SOS1: variants seen among roughly 807,000 people sequenced by gnomAD.
The protein encoded by SOS1 is son of sevenless homolog 1.
SOS1 carries 25 observed loss-of-function variants against 157.6 expected under a neutral mutation model. The ratio of observed to expected loss-of-function variants is 0.16; its 90% CI spans 0.12 to 0.22. SOS1 has a LOEUF of 0.22. SOS1 is among the 10% of genes least tolerant of loss of function. The pLI is 1.00. For missense variants in SOS1, 1,237 were observed against 1,599.1 expected, an observed-to-expected ratio of 0.77 and a Z score of 3.86; for synonymous variants, 528 against 534.0, an observed-to-expected ratio of 0.99 and a Z score of 0.16.
rs963420285 is a variant in SOS1, at chr2:39,005,563, A to G, written c.2791+849T>C. Reference sequence around the variant, plus strand: ...ATATGCACATCATACAATTACAATTATATACAATGTGCACAGCAAAAAGAT... The same window carrying G: ...ATATGCACATCATACAATTACAATTGTATACAATGTGCACAGCAAAAAGAT... On this transcript the variant is annotated intron_variant, in intron 17 of 22. Coordinates refer to ENST00000402219, the MANE Select transcript of SOS1 (RefSeq NM_005633.4). Among the ~76,000 whole-genome samples the G allele has an allele frequency of 5.3e-5, 8 of 152,294 alleles. No homozygotes were observed. In the Middle Eastern group the frequency reaches 0.01, roughly 194 times the overall value.
intron 1 of SOS1, among the ~76,000 whole-genome samples, chr2:39,071,116 C>T (rs1671778208): frequency 6.6e-6 from 1 of 152,164 alleles, no homozygotes; most frequent in Non-Finnish European, 1.5e-5. Flanking sequence ...GATCCACCCA[C>T]CTCCACCTCC....
chr2:38,993,680 T>G lies in SOS1; in HGVS notation c.3346+1443A>C, dbSNP rs1007356010. 7 of 152,230 alleles carry G rather than the reference T, an allele frequency of 4.6e-5. No individual in the cohort carries two copies. In the East Asian group the frequency reaches 7.7e-4, roughly 17 times the overall value. 9.4% of individuals were successfully genotyped at this position (152,230 alleles called of 1,614,324 possible). A position where few individuals can be genotyped will look rare whatever the true frequency, so the allele number is the denominator to read the frequency against. On this transcript the variant is annotated intron_variant, in intron 20 of 22. Transcript: ENST00000402219. ...AAGGCACAGAAAAAGTATTTTGTCT[T>G]AAATCAGAAAGCTAATTAGCAGACT...
intron 10 of SOS1, among the ~76,000 whole-genome samples, chr2:39,017,182 C>A (rs1309212040): frequency 6.6e-6 from 1 of 152,012 alleles, no homozygotes; most frequent in African/African-American, 2.4e-5. Flanking sequence ...GGACCCAGAA[C>A]CTAGATCATG....
intron 10 of SOS1, among the ~76,000 whole-genome samples, chr2:39,016,143 T>C (rs1240815396): frequency 6.6e-6 from 1 of 152,084 alleles, no homozygotes; most frequent in Non-Finnish European, 1.5e-5. Context: ...CATGGATTTA[T>C]CACAAAACAG....
chr2:39,006,580 G>C (rs753057061), intron 16 of SOS1, 51 bp from the exon 17 acceptor site: 2 of 929,798 alleles, frequency 2.2e-6, no homozygotes, highest in South Asian at 1.3e-5. Flanking sequence ...CAAAGGTCTT[G>C]TCAAAAAAAA....
upstream of SOS1, chr2:39,124,336 G>A (rs973252114): frequency 3.3e-5 from 5 of 152,454 alleles, no homozygotes; most frequent in East Asian, 5.8e-4. Context: ...CGCAGGCGCA[G>A]AGGCTTCTTT....
intron 17 of SOS1, among the ~76,000 whole-genome samples, chr2:38,999,233 A>C (rs1222248052): frequency 6.6e-6 from 1 of 152,234 alleles, no homozygotes; most frequent in Non-Finnish European, 1.5e-5. Context: ...CTTGCTTGAA[A>C]GGCATACTTA....
chr2:39,095,498 A>T (rs1051085701), intron 1 of SOS1, among the ~76,000 whole-genome samples: 225 of 152,332 alleles, frequency 1.5e-3, no homozygotes, highest in African/African-American at 5.3e-3. Context: ...GCCAGGCAAA[A>T]TGTGGCTCAT....
intron 1 of SOS1, among the ~76,000 whole-genome samples, chr2:39,116,082 T>C (rs1673640105): frequency 6.6e-6 from 1 of 152,236 alleles, no homozygotes; most frequent in Non-Finnish European, 1.5e-5. Flanking sequence ...TTGTAGAGGC[T>C]TCATCTATAT....
intron 17 of SOS1, among the ~76,000 whole-genome samples, chr2:39,001,306 G>T (rs142346514): frequency 1.4e-4 from 21 of 152,224 alleles, no homozygotes; most frequent in African/African-American, 5.1e-4. Flanking sequence ...TAAGCAATTC[G>T]CTCACCTCAA....
chr2:39,053,301 C>G (rs1364609538), intron 5 of SOS1, among the ~76,000 whole-genome samples: 1 of 152,152 alleles, frequency 6.6e-6, no homozygotes, highest in Non-Finnish European at 1.5e-5. Context: ...ACATTTTAGC[C>G]TTTCAAATGA....
chr2:39,086,495 T>C (rs944878444), intron 1 of SOS1, among the ~76,000 whole-genome samples: 7 of 152,182 alleles, frequency 4.6e-5, no homozygotes, highest in Non-Finnish European at 7.3e-5. Context: ...GTTTAACATA[T>C]TAGATATTGG....
chr2:38,991,197 C>G (rs1172921532), intron 20 of SOS1, among the ~76,000 whole-genome samples: 2 of 147,570 alleles, frequency 1.4e-5, no homozygotes, highest in Non-Finnish European at 3.0e-5. Flanking sequence ...AGGAGTCATT[C>G]TTGATAGAAA....
chr2:39,042,797 A>G (rs949897124), intron 6 of SOS1, among the ~76,000 whole-genome samples: 4 of 144,736 alleles, frequency 2.8e-5, no homozygotes, highest in Admixed American at 7.0e-5. Context: ...TCTTATTTCT[A>G]TAGTGAATGC....
chr2:39,109,924 T>C (rs992878347), intron 1 of SOS1, among the ~76,000 whole-genome samples: 1 of 152,140 alleles, frequency 6.6e-6, no homozygotes, highest in Non-Finnish European at 1.5e-5. Flanking sequence ...ATTGGAGTAT[T>C]ACACTACCTA....
At chr2:39,056,054 G>A (rs987520625) in intron 4 of SOS1, among the ~76,000 whole-genome samples, 8 of 152,104 alleles carry the variant, frequency 5.3e-5, no homozygotes, top group Non-Finnish European at 7.4e-5. Flanking sequence ...TAAAACTATC[G>A]TTTTGTGGTT....
intron 6 of SOS1, among the ~76,000 whole-genome samples, chr2:39,044,472 T>G (rs1423700515): frequency 1.3e-5 from 2 of 152,206 alleles, no homozygotes; most frequent in African/African-American, 2.4e-5. Flanking sequence ...ACTCATTCAT[T>G]TTTAATTATT....
At chr2:39,093,306 T>C (rs1459590126) in intron 1 of SOS1, among the ~76,000 whole-genome samples, 1 of 152,212 alleles carries the variant, frequency 6.6e-6, no homozygotes, top group Non-Finnish European at 1.5e-5. Context: ...TAAACTACAG[T>C]AGTAAACAAC....
At chr2:39,051,407 T>G (rs1056729029) in intron 5 of SOS1, 120 bp from the exon 6 acceptor site, 19 of 838,312 alleles carry the variant, frequency 2.3e-5, no homozygotes, top group Non-Finnish European at 3.3e-5. Flanking sequence ...AGTGAAAAAT[T>G]TTAATGACTT....
Sources: gnomAD v4.1 joint callset for allele counts (sites outside exome capture counted in the v4.1 genomes callset) on GRCh38, gnomAD v4.1.1 for gene constraint, MANE v1.5 for transcripts, NCBI Gene and HGNC (gene_info 2026-07-23, HGNC 2026-07-21) for gene names.